The following TUBD1 variants were observed in gnomAD, a reference collection of about 807,000 sequenced individuals.
TUBD1 encodes tubulin delta chain.
TUBD1 carries 38 observed loss-of-function variants against 51.2 expected under a neutral mutation model. That is an observed-to-expected ratio of 0.74 (90% CI 0.57 to 0.97). The LOEUF is 0.97. TUBD1 is among the 50% of genes least tolerant of loss of function. The pLI, the probability that TUBD1 is intolerant of heterozygous loss-of-function variation, is 0.00. For missense variants in TUBD1, 489 were observed against 538.4 expected, an observed-to-expected ratio of 0.91 and a Z score of 0.91; for synonymous variants, 169 against 178.2, an observed-to-expected ratio of 0.95 and a Z score of 0.41.
At chr17:59,879,468 C>T (rs2040384888) in intron 4 of TUBD1, among the ~76,000 whole-genome samples, 1 of 152,112 alleles carries the variant, frequency 6.6e-6, no homozygotes, top group Admixed American at 6.5e-5. Flanking sequence ...CAGAGTCTTG[C>T]TCTGTGGCCC....
chr17:59,863,656 AT>A lies in TUBD1; in HGVS notation c.1259+7del. On this transcript the variant is annotated splice_region_variant and intron_variant, in intron 8 of 8. Transcript: ENST00000325752. ...AAAGAAAGGTTTGTAGACTTATTTT[AT>A]ACTTACTTTGAAGCAAACATATTCC... 6.6e-7 allele frequency: 1 copy of A among 1,525,052 alleles called. No individual in the cohort carries two copies. The highest frequency in any genetic ancestry group is 8.8e-7 in the Non-Finnish European group (1 of 1,140,704). 94.5% of individuals were successfully genotyped at this position (1,525,052 alleles called of 1,614,324 possible).
chr17:59,874,657 C>G lies in TUBD1; in HGVS notation c.816G>C (p.Leu272=), dbSNP rs775048847. 1 of 1,613,428 alleles carries G rather than the reference C, an allele frequency of 6.2e-7. No individual in the cohort carries two copies. The highest frequency in any genetic ancestry group is 1.7e-5 in the Admixed American group (1 of 59,864). ...HLVPHPEFKM[L]SVRNIPHMSE... ...ACATGTGAGGAATGTTACGAACACT[C>G]AGCATCTTGAATTCAGGATGGGGAA... is the stretch of plus-strand genomic sequence containing the variant. Residue 272 remains leucine, a synonymous_variant, in exon 6 of 9, where the codon CTG becomes CTC. Transcript: ENST00000325752.
intron 3 of TUBD1, 108 bp from the exon 4 acceptor site, chr17:59,881,218 G>T: frequency 1.1e-6 from 1 of 886,270 alleles, no homozygotes; most frequent in South Asian, 1.6e-5. Context: ...AACTACGGAA[G>T]TGAAGGAACT....
At chr17:59,875,165 G>A (rs956663886) in intron 5 of TUBD1, among the ~76,000 whole-genome samples, 6 of 134,356 alleles carry the variant, frequency 4.5e-5, no homozygotes, top group African/African-American at 1.4e-4. Context: ...TGCAACCTCT[G>A]CCTCCCACGA....
At chr17:59,861,357 C>T (rs1282097493) in intron 8 of TUBD1, among the ~76,000 whole-genome samples, 1 of 151,822 alleles carries the variant, frequency 6.6e-6, no homozygotes, top group South Asian at 2.1e-4. Context: ...TACCACCACA[C>T]CTGGCTAATT....
chr17:59,887,997 C>T (rs1041808817), intron 2 of TUBD1, among the ~76,000 whole-genome samples: 2 of 151,032 alleles, frequency 1.3e-5, no homozygotes, highest in African/African-American at 4.9e-5. Flanking sequence ...TGCAGTGGTG[C>T]GATCTCAGCT....
chr17:59,892,518 T>G (rs1460324121), intron 1 of TUBD1, among the ~76,000 whole-genome samples, 179 bp downstream of exon 1: 1 of 152,216 alleles, frequency 6.6e-6, no homozygotes, highest in African/African-American at 2.4e-5. Flanking sequence ...ACAGACTCTG[T>G]GCTTAAAATG....
chr17:59,890,899 G>C lies in TUBD1; in HGVS notation c.104C>G (p.Ser35Cys). ...TTGATATGCCTCATTCTCTCTCATA[G>C]AGCAGAGTCCCTGGGAACTGTGTGA... The part of the protein sequence containing the change: ...SDSHSSQGLC[S>C]MRENEAYQAS... The change falls in exon 2 of 9, where the codon TCT becomes TGT. Residue 35 changes from serine to cysteine, a missense_variant. Transcript: ENST00000325752. 2 of 1,613,850 alleles carry C rather than the reference G, an allele frequency of 1.2e-6. No individual in the cohort carries two copies. The highest frequency in any genetic ancestry group is 1.7e-6 in the Non-Finnish European group (2 of 1,179,968).
In TUBD1 at chr17:59,890,887, T is replaced by C. The variant is rs758456598; in HGVS notation, c.116A>G (p.Asn39Ser). The change falls in exon 2 of 9, where the codon AAT (asparagine) becomes AGT (serine). Residue 39 changes from asparagine to serine, a missense_variant. By Grantham distance (46) the Asn-to-Ser change is conservative. Coordinates refer to ENST00000325752, the MANE Select transcript of TUBD1 (RefSeq NM_016261.4). The stretch of plus-strand genomic sequence containing the variant: ...TTTGCAAGATGCTTGATATGCCTCA[T>C]TCTCTCTCATAGAGCAGAGTCCCTG... Reference protein sequence around the residue: ...SSQGLCSMRENEAYQASCKER... With the variant: ...SSQGLCSMRESEAYQASCKER... 1 of 1,613,722 alleles carries C rather than the reference T, an allele frequency of 6.2e-7. No individual in the cohort carries two copies. Among genetic ancestry groups the C allele is most frequent in the Non-Finnish European group, 8.5e-7 (1 of 1,179,926 alleles).
chr17:59,862,310 C>T (rs536141935), intron 8 of TUBD1, among the ~76,000 whole-genome samples: 58 of 141,336 alleles, frequency 4.1e-4, no homozygotes, highest in Middle Eastern at 7.2e-3. Context: ...GCAACAACTG[C>T]GAAACTCCAT....
intron 2 of TUBD1, among the ~76,000 whole-genome samples, chr17:59,890,371 G>A (rs1425433215): frequency 1.3e-5 from 2 of 152,148 alleles, no homozygotes; most frequent in African/African-American, 4.8e-5. Flanking sequence ...AGCCTCCCGA[G>A]TAGCTGGGAT....
At chr17:59,860,821 A>G (rs1327029264) in intron 8 of TUBD1, among the ~76,000 whole-genome samples, 1 of 151,904 alleles carries the variant, frequency 6.6e-6, no homozygotes, top group Non-Finnish European at 1.5e-5. Context: ...TCCCAACCTT[A>G]GGTGATCCAC....
chr17:59,868,994 G>A (rs1423100436), intron 6 of TUBD1, among the ~76,000 whole-genome samples: 2 of 151,636 alleles, frequency 1.3e-5, no homozygotes, highest in African/African-American at 4.8e-5. Flanking sequence ...TCCAGCCTAC[G>A]TGACAGAGTG....
intron 7 of TUBD1, among the ~76,000 whole-genome samples, chr17:59,865,909 G>A (rs2039676573): frequency 6.6e-6 from 1 of 152,000 alleles, no homozygotes; most frequent in African/African-American, 2.4e-5. Flanking sequence ...TTAGGAGTTT[G>A]AGACCAGCCT....
chr17:59,868,108 CAAAA>C (rs35401242), intron 6 of TUBD1, among the ~76,000 whole-genome samples: 4 of 26,800 alleles, frequency 1.5e-4, no homozygotes, highest in Admixed American at 5.6e-4. Flanking sequence ...ACTAAAAATA[CAAAA>C]AAAAAAAAAA....
At position 59,883,441 on chromosome 17, in the gene TUBD1, A is replaced by AT. The variant is rs539804557; in HGVS notation, c.321-2332dup. Among the ~76,000 whole-genome samples the AT allele has an allele frequency of 2.3e-4, 35 of 150,040 alleles. 1 individual carries two copies. Among genetic ancestry groups the AT allele is most frequent in the Non-Finnish European group, 1.9e-4 (13 of 67,390 alleles). ...TCACCACGCCCAGCTAATTTTTTCT[A>AT]TTTTTTAGTAGAAACAGGGTTTTAC... is the stretch of plus-strand genomic sequence containing the variant. On this transcript the variant is annotated intron_variant, in intron 3 of 8. Transcript: ENST00000325752.
Position 59,880,949 on chromosome 17 carries a change from TG to T in TUBD1, c.481del (p.Gln161SerfsTer6). On this transcript the variant is annotated frameshift_variant, in exon 4 of 9. Coordinates refer to ENST00000325752, the MANE Select transcript of TUBD1 (RefSeq NM_016261.4). LOFTEE classifies it high-confidence loss of function. ...GAFVTQNLEDQYSNSLKMNQI... is the reference protein window; with the variant it reads ...GAFVTQNLEDXYSNSLKMNQI... ...ATTCATTTTCAATGAGTTTGAGTAC[TG>T]ATCTTCTAAATTCTGTGTAACGAAA... 1.2e-6 allele frequency: 2 copies of T among 1,614,200 alleles called. No individual in the cohort carries two copies. Among genetic ancestry groups the T allele is most frequent in the Non-Finnish European group, 1.7e-6 (2 of 1,180,032 alleles).
At chr17:59,862,233 G>A (rs1186597603) in intron 8 of TUBD1, among the ~76,000 whole-genome samples, 2 of 150,770 alleles carry the variant, frequency 1.3e-5, no homozygotes, top group African/African-American at 4.9e-5. Flanking sequence ...TGAGGCAGGA[G>A]AACTGCTTGA....
intron 6 of TUBD1, among the ~76,000 whole-genome samples, chr17:59,867,225 C>T (rs1250194438): frequency 6.6e-6 from 1 of 151,806 alleles, no homozygotes; most frequent in Non-Finnish European, 1.5e-5. Context: ...AGTGGCTATT[C>T]ACAGGTGTGA....
Sources: allele counts gnomAD v4.1 joint callset (sites outside exome capture counted in the v4.1 genomes callset), GRCh38; gene constraint gnomAD v4.1.1; transcripts MANE v1.5; gene names NCBI Gene and HGNC (gene_info 2026-07-23, HGNC 2026-07-21).